STAG1: variants seen among roughly 807,000 people sequenced by gnomAD.
STAG1 encodes the protein STAG1 cohesin complex component.
In STAG1, 26 loss-of-function variants were observed where a neutral mutation model predicts 170.9. That is an observed-to-expected ratio of 0.15 (90% confidence interval 0.11 to 0.21). The LOEUF (loss-of-function observed/expected upper bound fraction) is 0.21, where lower values mean the gene tolerates loss of function less well. STAG1 is among the 10% of genes least tolerant of loss of function. STAG1 has a pLI of 1.00. For synonymous variants in STAG1, 514 were observed against 497.7 expected (o/e 1.03, Z -0.44); for missense variants, 964 against 1,509.5 (o/e 0.64, Z 5.99).
intron 12 of STAG1, among the ~76,000 whole-genome samples, chr3:136,469,049 T>A (rs1480278203): frequency 1.3e-5 from 2 of 152,128 alleles, no homozygotes; most frequent in Non-Finnish European, 2.9e-5. Context: ...GGGCAAAAAC[T>A]GAAAGCATTC....
At chr3:136,418,997 T>C (rs1234082725) in intron 20 of STAG1, among the ~76,000 whole-genome samples, 2 of 152,146 alleles carry the variant, frequency 1.3e-5, no homozygotes, top group Admixed American at 6.5e-5. Flanking sequence ...TAACCACATG[T>C]GTATTTTTAA....
At chr3:136,685,587 T>G (rs752685157) in intron 1 of STAG1, among the ~76,000 whole-genome samples, 13 of 152,210 alleles carry the variant, frequency 8.5e-5, no homozygotes, top group Non-Finnish European at 1.3e-4. Flanking sequence ...GGTAGGTGAA[T>G]AGACAGATAA....
intron 14 of STAG1, among the ~76,000 whole-genome samples, chr3:136,448,014 C>T (rs1348674075): frequency 6.6e-6 from 1 of 152,108 alleles, no homozygotes; most frequent in Non-Finnish European, 1.5e-5. Flanking sequence ...ATCTGGCATG[C>T]ATCTAAAATA....
chr3:136,443,091 T>C (rs2088678902), intron 15 of STAG1, among the ~76,000 whole-genome samples, 196 bp downstream of exon 15: 1 of 152,208 alleles, frequency 6.6e-6, no homozygotes, highest in African/African-American at 2.4e-5. Flanking sequence ...TTATGTGGCA[T>C]GGTGGCAGTG....
At chr3:136,462,979 T>C (rs746138285) in intron 13 of STAG1, among the ~76,000 whole-genome samples, 5 of 152,082 alleles carry the variant, frequency 3.3e-5, no homozygotes, top group Non-Finnish European at 5.9e-5. Flanking sequence ...AAGCAACAAA[T>C]TATTTCTAAA....
At chr3:136,632,709 G>T (rs1052778444) in intron 1 of STAG1, among the ~76,000 whole-genome samples, 1 of 152,040 alleles carries the variant, frequency 6.6e-6, no homozygotes. Context: ...GGTGCTACAC[G>T]CATGCCCAAG....
chr3:136,661,402 C>T (rs570735559), intron 1 of STAG1, among the ~76,000 whole-genome samples: 1 of 152,224 alleles, frequency 6.6e-6, no homozygotes, highest in Non-Finnish European at 1.5e-5. Flanking sequence ...ATGTCATAAG[C>T]GGAAATGTCT....
chr3:136,723,113 C>T (rs558996600), intron 1 of STAG1, among the ~76,000 whole-genome samples: 21 of 152,326 alleles, frequency 1.4e-4, no homozygotes, highest in Admixed American at 9.8e-4. Flanking sequence ...CCGGCCGCAA[C>T]GCCGTCTGGG....
rs189481167 is a variant in STAG1 at position 136,595,038 on chromosome 3, G to A, written c.297+9271C>T. On this transcript the variant is annotated intron_variant, in intron 4 of 33. Transcript: ENST00000383202. ...CCTGCTTCAGCCTCCCAAAGTACTGGGCTTACAGGACTGAGCCATCATGTC... is the reference window on the plus strand; with the variant it reads ...CCTGCTTCAGCCTCCCAAAGTACTGAGCTTACAGGACTGAGCCATCATGTC... Among the ~76,000 whole-genome samples the A allele has an allele frequency of 2.3e-3, 352 of 152,166 alleles. 1 individual carries two copies. The highest frequency in any genetic ancestry group is 4.5e-3 in the Admixed American group (68 of 15,266).
intron 9 of STAG1, among the ~76,000 whole-genome samples, chr3:136,497,042 A>C (rs1379387496): frequency 6.6e-6 from 1 of 152,186 alleles, no homozygotes; most frequent in Non-Finnish European, 1.5e-5. Context: ...ATAAACTACC[A>C]AAGTTTACTC....
At chr3:136,382,338 C>A (rs17266364) in intron 22 of STAG1, among the ~76,000 whole-genome samples, 1 of 151,398 alleles carries the variant, frequency 6.6e-6, no homozygotes, top group Admixed American at 6.6e-5. Context: ...AAGCAATCAA[C>A]TGATGAACTA....
chr3:136,437,907 T>C (rs2107753642), intron 15 of STAG1, among the ~76,000 whole-genome samples: 1 of 152,352 alleles, frequency 6.6e-6, no homozygotes. Context: ...TAGAGACCAC[T>C]GCAATGATTA....
At chr3:136,571,836 A>G (rs1576620318) in intron 4 of STAG1, among the ~76,000 whole-genome samples, 1 of 152,102 alleles carries the variant, frequency 6.6e-6, no homozygotes, top group Non-Finnish European at 1.5e-5. Context: ...AACTATTACC[A>G]TGCTAACACA....
At chr3:136,588,529 AG>A (rs1287859517) in intron 4 of STAG1, among the ~76,000 whole-genome samples, 3 of 152,126 alleles carry the variant, frequency 2.0e-5, no homozygotes, top group Non-Finnish European at 4.4e-5. Flanking sequence ...TAGTAGAAAC[AG>A]GGTTTCACCA....
intron 7 of STAG1, among the ~76,000 whole-genome samples, chr3:136,511,182 G>C (rs928980660): frequency 1.3e-5 from 2 of 152,178 alleles, no homozygotes; most frequent in East Asian, 1.9e-4. Flanking sequence ...TGCCATGATT[G>C]TAAGTTTCCT....
chr3:136,568,517 C>T (rs909683023), intron 5 of STAG1, among the ~76,000 whole-genome samples: 2 of 151,990 alleles, frequency 1.3e-5, no homozygotes, highest in South Asian at 2.1e-4. Context: ...AACTACTGAA[C>T]GAATTTCAGA....
intron 4 of STAG1, among the ~76,000 whole-genome samples, chr3:136,582,980 A>T (rs1468770141): frequency 1.3e-5 from 2 of 152,162 alleles, no homozygotes; most frequent in South Asian, 4.1e-4. Context: ...TTGTGCATAG[A>T]CTAGTGTCAG....
At chr3:136,662,080 T>C (rs935935386) in intron 1 of STAG1, among the ~76,000 whole-genome samples, 3 of 152,172 alleles carry the variant, frequency 2.0e-5, no homozygotes, top group African/African-American at 7.2e-5. Flanking sequence ...CTCTCCTTAG[T>C]TCAGCTAACT....
At chr3:136,714,673 A>T (rs1943471916) in intron 1 of STAG1, among the ~76,000 whole-genome samples, 1 of 152,018 alleles carries the variant, frequency 6.6e-6, no homozygotes, top group Non-Finnish European at 1.5e-5. Context: ...GCTTGCAGTG[A>T]GCCAAGATCG....
Sources: allele counts gnomAD v4.1 joint callset (sites outside exome capture counted in the v4.1 genomes callset), GRCh38; gene constraint gnomAD v4.1.1; transcripts MANE v1.5; gene names NCBI Gene and HGNC (gene_info 2026-07-23, HGNC 2026-07-21).